SNTB1: variants seen among roughly 807,000 people sequenced by gnomAD.
SNTB1 encodes beta-1-syntrophin.
SNTB1 carries 36 observed loss-of-function variants against 48.9 expected under a neutral mutation model. That is an observed-to-expected ratio of 0.74 (90% CI 0.56 to 0.97). SNTB1 has a LOEUF of 0.97. Among genes scored for constraint, SNTB1 ranks in the 50% least tolerant of loss-of-function variants. The pLI is 0.00. For missense variants in SNTB1, 786 were observed against 703.4 expected, an observed-to-expected ratio of 1.12 and a Z score of -1.33; for synonymous variants, 299 against 294.6, an observed-to-expected ratio of 1.01 and a Z score of -0.15.
chr8:120,566,553 T>G (rs936203344), intron 4 of SNTB1, among the ~76,000 whole-genome samples: 1 of 152,134 alleles, frequency 6.6e-6, no homozygotes, highest in Admixed American at 6.6e-5. Context: ...GGCTAAGGTA[T>G]TTTGTTATAG....
chr8:120,631,751 GA>G (rs533617852), intron 3 of SNTB1, among the ~76,000 whole-genome samples: 3 of 150,826 alleles, frequency 2.0e-5, no homozygotes, highest in South Asian at 4.2e-4. Flanking sequence ...CATAACTTGG[GA>G]AAAAAAAATC....
At chr8:120,598,161 AT>A (rs761968715) in intron 3 of SNTB1, among the ~76,000 whole-genome samples, 5 of 151,906 alleles carry the variant, frequency 3.3e-5, no homozygotes, top group Non-Finnish European at 5.9e-5. Flanking sequence ...ATTCCAATCC[AT>A]TGTTTTCCTC....
chr8:120,798,991 C>G lies in SNTB1; in HGVS notation c.571+12282G>C, dbSNP rs113661898. ...GGCATCTTTTTGTTGGGAGTACACA[C>G]AGCCCTCATAGAGATGCTGACCAGG... On this transcript the variant is annotated intron_variant, in intron 1 of 6. Coordinates refer to ENST00000517992, the MANE Select transcript of SNTB1 (RefSeq NM_021021.4). Among the ~76,000 whole-genome samples, 376 of 152,176 alleles carry G rather than the reference C, an allele frequency of 2.5e-3. 3 individuals carry two copies. Among genetic ancestry groups the G allele is most frequent in the African/African-American group, 8.5e-3 (355 of 41,544 alleles).
At chr8:120,601,193 C>T (rs1401515573) in intron 3 of SNTB1, among the ~76,000 whole-genome samples, 2 of 151,738 alleles carry the variant, frequency 1.3e-5, no homozygotes, top group Admixed American at 6.6e-5. Flanking sequence ...AAGAGATTTG[C>T]TATTCCTGGA....
intron 3 of SNTB1, among the ~76,000 whole-genome samples, chr8:120,585,657 T>A (rs1816127284): frequency 6.6e-6 from 1 of 152,232 alleles, no homozygotes; most frequent in Admixed American, 6.5e-5. Flanking sequence ...TGAAACATAG[T>A]CTGTTCTCTA....
At chr8:120,579,197 CAAACAAACAA>C in intron 3 of SNTB1, among the ~76,000 whole-genome samples, 1 of 151,844 alleles carries the variant, frequency 6.6e-6, no homozygotes, top group South Asian at 2.1e-4. Flanking sequence ...AACAAACAAA[CAAACAAACAA>C]ACAAACAAAG....
At chr8:120,560,738 C>T (rs565778118) in intron 4 of SNTB1, among the ~76,000 whole-genome samples, 22 of 152,256 alleles carry the variant, frequency 1.4e-4, no homozygotes, top group South Asian at 2.1e-4. Context: ...TGACCTGCCA[C>T]GACCATCTGC....
rs776562910 is a variant in SNTB1, at chr8:120,811,502, C to T, written c.342G>A (p.Lys114=). 3 of 1,613,772 alleles carry T rather than the reference C, an allele frequency of 1.9e-6. No individual in the cohort carries two copies. The highest frequency in any genetic ancestry group is 2.5e-6 in the Non-Finnish European group (3 of 1,179,846). ...GCCCGCCCAGCTCCTGCTTCAGCAC[C>T]TTCACGCCACGCTTCTGGTTCGAGA... ...ESISNQKRGV[K]VLKQELGGLG... Residue 114 remains lysine, a synonymous_variant, in exon 1 of 7, where the codon AAG becomes AAA. Coordinates refer to ENST00000517992, the MANE Select transcript of SNTB1 (RefSeq NM_021021.4).
intron 1 of SNTB1, among the ~76,000 whole-genome samples, chr8:120,807,229 C>CA (rs557700032): frequency 6.6e-6 from 1 of 152,168 alleles, no homozygotes; most frequent in African/African-American, 2.4e-5. Flanking sequence ...GCTTCAGTTA[C>CA]AAAAAAGTCG....
At chr8:120,754,354 C>T (rs73323165) in intron 1 of SNTB1, among the ~76,000 whole-genome samples, 13,002 of 152,046 alleles carry the variant, frequency 0.086, 1,130 homozygotes, top group East Asian at 0.44. Context: ...AAAACATTAG[C>T]TGGGTGTGGT....
chr8:120,733,000 A>C (rs1174948147), intron 1 of SNTB1, among the ~76,000 whole-genome samples: 1 of 152,228 alleles, frequency 6.6e-6, no homozygotes, highest in East Asian at 1.9e-4. Flanking sequence ...TTTTCATTAG[A>C]ACTGTTGCTA....
chr8:120,693,965 G>A, intron 1 of SNTB1, 57 bp from the exon 2 acceptor site: 1 of 1,325,826 alleles, frequency 7.5e-7, no homozygotes, highest in South Asian at 1.2e-5. Flanking sequence ...TTTCTGGGAA[G>A]TCTGATTGTG....
chr8:120,723,393 A>G (rs911532578), intron 1 of SNTB1, among the ~76,000 whole-genome samples: 1 of 152,220 alleles, frequency 6.6e-6, no homozygotes, highest in African/African-American at 2.4e-5. Context: ...CAATGCTACA[A>G]ACTATACAAA....
At chr8:120,757,957 A>AAAGTAGT (rs1415788316) in intron 1 of SNTB1, among the ~76,000 whole-genome samples, 2 of 152,212 alleles carry the variant, frequency 1.3e-5, no homozygotes, top group East Asian at 3.9e-4. Context: ...ACTGGAAAGA[A>AAAGTAGT]AAGTAGTAAC....
rs994299326 is a variant in SNTB1 at position 120,793,941 on chromosome 8, T to C, written c.571+17332A>G. 5.9e-5 allele frequency among the ~76,000 whole-genome samples: 9 copies of C among 152,152 alleles called. No individual in the cohort carries two copies. The South Asian group carries it at 8.3e-4, about 14-fold the overall frequency. On this transcript the variant is annotated intron_variant, in intron 1 of 6. Transcript: ENST00000517992. ...CAGTGTCTTTCTCAATGGTAAAATA[T>C]GTCTCAGCTTATTTTTAATATAGAT...
Position 120,545,797 on chromosome 8 carries a change from A to C in SNTB1, c.1333+2965T>G, listed in dbSNP as rs184376377. On this transcript the variant is annotated intron_variant, in intron 5 of 6. Coordinates refer to ENST00000517992, the MANE Select transcript of SNTB1 (RefSeq NM_021021.4). Reference sequence around the variant, plus strand: ...ACTAATTAAATTTTAATTAATTTAAATCACCACCTCTGATTAAAGCTAGCA... The same window carrying C: ...ACTAATTAAATTTTAATTAATTTAACTCACCACCTCTGATTAAAGCTAGCA... 4.9e-4 allele frequency among the ~76,000 whole-genome samples: 74 copies of C among 152,362 alleles called. 2 individuals carry two copies. In the East Asian group the frequency reaches 0.013, roughly 27 times the overall value.
chr8:120,536,947 A>G lies in SNTB1; in HGVS notation c.*1930T>C, dbSNP rs1490141929. ...ATATATGTATTTTAATATGTTATTTACAATACACAATTATAATTCTCTTGT... is the reference window on the plus strand; with the variant it reads ...ATATATGTATTTTAATATGTTATTTGCAATACACAATTATAATTCTCTTGT... On this transcript the variant is annotated 3_prime_UTR_variant, in exon 7 of 7. Coordinates refer to ENST00000517992, the MANE Select transcript of SNTB1 (RefSeq NM_021021.4). 6.6e-6 allele frequency: 1 copy of G among 152,066 alleles called. No homozygotes were observed. Among genetic ancestry groups the G allele is most frequent in the Non-Finnish European group, 1.5e-5 (1 of 67,980 alleles). 9.4% of individuals were successfully genotyped at this position (152,066 alleles called of 1,614,324 possible). A position where few individuals can be genotyped will look rare whatever the true frequency, so the allele number is the denominator to read the frequency against.
chr8:120,726,137 C>T (rs193205538), intron 1 of SNTB1, among the ~76,000 whole-genome samples: 120 of 152,230 alleles, frequency 7.9e-4, no homozygotes, highest in Non-Finnish European at 1.5e-3. Context: ...TTGCTGGTGC[C>T]GTATAAGCAA....
Position 120,669,688 on chromosome 8 carries a change from G to T in SNTB1, c.788+24004C>A, listed in dbSNP as rs549074720. ...AGGATGGTCTCGATCTCCTGACCTC[G>T]TGATCCACCCGCCTTGGCCTCCCAA... On this transcript the variant is annotated intron_variant, in intron 2 of 6. Transcript: ENST00000517992. 5.5e-5 allele frequency among the ~76,000 whole-genome samples: 2 copies of T among 36,460 alleles called. 1 individual carries two copies. Among genetic ancestry groups the T allele is most frequent in the Non-Finnish European group, 9.0e-5 (2 of 22,228 alleles). 23.9% of individuals were successfully genotyped at this position (36,460 alleles called of 152,430 possible). A position where few individuals can be genotyped will look rare whatever the true frequency, so the allele number is the denominator to read the frequency against.
Sources: allele counts gnomAD v4.1 joint callset (sites outside exome capture counted in the v4.1 genomes callset), GRCh38; gene constraint gnomAD v4.1.1; transcripts MANE v1.5; gene names NCBI Gene and HGNC (gene_info 2026-07-23, HGNC 2026-07-21).